Variants in ME1 observed in about 807,000 individuals in gnomAD.
ME1 encodes the protein NADP-dependent malic enzyme.
In ME1, 74 loss-of-function variants were observed where a neutral mutation model predicts 66.4. The ratio of observed to expected loss-of-function variants is 1.11; its 90% CI spans 0.92 to 1.35. The LOEUF is 1.35. Ranked by LOEUF, ME1 falls within the 40% of genes most tolerant of loss-of-function variation. The pLI, the probability that ME1 is intolerant of heterozygous loss-of-function variation, is 0.00. For synonymous variants in ME1, 251 were observed against 235.6 expected (o/e 1.07, Z -0.60); for missense variants, 750 against 694.1 (o/e 1.08, Z -0.90).
chr6:83,228,798 G>T, intron 10 of ME1, 28 bp downstream of exon 10: 1 of 1,413,664 alleles, frequency 7.1e-7, no homozygotes, highest in South Asian at 1.2e-5. Flanking sequence ...TAAGGGGTAG[G>T]GGAGAAGGGA....
chr6:83,430,905 A>T lies in ME1; in HGVS notation c.50T>A (p.Leu17Gln), dbSNP rs1248662777. 4 of 1,603,180 alleles carry T rather than the reference A, an allele frequency of 2.5e-6. No homozygotes were observed. Among genetic ancestry groups the T allele is most frequent in the African/African-American group, 1.4e-5 (1 of 73,422 alleles). Residue 17 changes from leucine (L) to glutamine (Q), a missense_variant, in exon 1 of 14, where the codon CTG becomes CAG. Physicochemically the swap from Leu to Gln is moderately radical, Grantham distance 113. Coordinates refer to ENST00000369705, the MANE Select transcript of ME1 (RefSeq NM_002395.6). The part of the protein sequence containing the change: ...RRRHTHQRGY[L>Q]LTRNPHLNKD... The stretch of plus-strand genomic sequence containing the variant: ...GTTGAGGTGAGGGTTCCGTGTCAGC[A>T]GGTAGCCGCGCTGATGGGTGTGGCG...
intron 6 of ME1, among the ~76,000 whole-genome samples, chr6:83,279,132 A>G (rs918739165): frequency 3.3e-5 from 5 of 152,196 alleles, no homozygotes; most frequent in Non-Finnish European, 5.9e-5. Flanking sequence ...TTAGACAAAA[A>G]CAATGACACT....
chr6:83,315,550 G>T (rs1768015713), intron 5 of ME1, 137 bp from the exon 6 acceptor site: 3 of 597,998 alleles, frequency 5.0e-6, no homozygotes, highest in African/African-American at 1.9e-5. Flanking sequence ...AACCTACAGG[G>T]TAATTACTTA....
chr6:83,416,349 C>T (rs1459240256), intron 1 of ME1, among the ~76,000 whole-genome samples: 2 of 152,194 alleles, frequency 1.3e-5, no homozygotes, highest in African/African-American at 4.8e-5. Flanking sequence ...TTATTCTTCA[C>T]ATTTCAGTAT....
At chr6:83,322,012 G>A (rs549923705) in intron 5 of ME1, among the ~76,000 whole-genome samples, 58 of 152,294 alleles carry the variant, frequency 3.8e-4, no homozygotes, top group African/African-American at 1.3e-3. Flanking sequence ...AGGTAAACAG[G>A]GACTGGAGTG....
intron 6 of ME1, among the ~76,000 whole-genome samples, chr6:83,301,280 C>T (rs901770193): frequency 7.3e-5 from 11 of 151,666 alleles, no homozygotes; most frequent in East Asian, 3.9e-4. Flanking sequence ...TCCTTCCCTC[C>T]GTCCCTCCCT....
chr6:83,414,125 A>AG (rs112775454), intron 1 of ME1, among the ~76,000 whole-genome samples: 2 of 146,864 alleles, frequency 1.4e-5, no homozygotes, highest in African/African-American at 5.1e-5. Context: ...AAAAAAAAAA[A>AG]AAAAAACTAA....
chr6:83,243,389 T>C (rs1790543794), intron 7 of ME1, among the ~76,000 whole-genome samples: 1 of 61,242 alleles, frequency 1.6e-5, no homozygotes. Context: ...TATATTTATA[T>C]ATTTATATAA....
intron 5 of ME1, among the ~76,000 whole-genome samples, chr6:83,327,405 A>G (rs1025435284): frequency 1.3e-5 from 2 of 152,216 alleles, no homozygotes; most frequent in East Asian, 1.9e-4. Context: ...TTTTCTCAGC[A>G]TGGAATATCC....
intron 6 of ME1, among the ~76,000 whole-genome samples, chr6:83,266,423 G>C (rs950874231): frequency 5.9e-5 from 9 of 152,250 alleles, no homozygotes; most frequent in African/African-American, 2.2e-4. Context: ...GTCAAAGTCT[G>C]AATACTAACC....
At chr6:83,301,619 A>C (rs1182137828) in intron 6 of ME1, among the ~76,000 whole-genome samples, 2 of 152,180 alleles carry the variant, frequency 1.3e-5, no homozygotes, top group Non-Finnish European at 2.9e-5. Flanking sequence ...CTGGGATTAC[A>C]GGCACGAGCC....
intron 6 of ME1, among the ~76,000 whole-genome samples, chr6:83,261,418 T>TG (rs1766885669): frequency 2.2e-5 from 2 of 89,772 alleles, no homozygotes; most frequent in Non-Finnish European, 4.1e-5. Context: ...ACTCTGTTGG[T>TG]AATTTTTTTT....
chr6:83,420,981 G>A (rs1206791819), intron 1 of ME1, among the ~76,000 whole-genome samples: 4 of 152,082 alleles, frequency 2.6e-5, no homozygotes, highest in Non-Finnish European at 5.9e-5. Flanking sequence ...AGGCACAAAA[G>A]AAGGGGAAAG....
intron 6 of ME1, among the ~76,000 whole-genome samples, chr6:83,294,549 G>A (rs754510042): frequency 6.6e-6 from 1 of 152,024 alleles, no homozygotes; most frequent in Non-Finnish European, 1.5e-5. Flanking sequence ...CAACCCCCTG[G>A]CTGAACACTA....
intron 12 of ME1, among the ~76,000 whole-genome samples, chr6:83,221,569 G>A (rs1307192471): frequency 6.6e-6 from 1 of 152,136 alleles, no homozygotes; most frequent in Non-Finnish European, 1.5e-5. Flanking sequence ...CTGACAGTGA[G>A]GAAAGATAAG....
intron 6 of ME1, among the ~76,000 whole-genome samples, chr6:83,256,497 T>C (rs1203003488): frequency 6.6e-6 from 1 of 152,080 alleles, no homozygotes; most frequent in Admixed American, 6.6e-5. Context: ...TGAGATACCG[T>C]CTCACACCAG....
intron 6 of ME1, among the ~76,000 whole-genome samples, chr6:83,290,098 T>C (rs1013302099): frequency 6.6e-6 from 1 of 152,240 alleles, no homozygotes; most frequent in Non-Finnish European, 1.5e-5. Context: ...TCATTAATTT[T>C]TGAAGGTTTT....
intron 5 of ME1, among the ~76,000 whole-genome samples, chr6:83,325,851 A>G (rs1157376614): frequency 6.6e-6 from 1 of 151,822 alleles, no homozygotes; most frequent in Non-Finnish European, 1.5e-5. Context: ...CCTTCACAGA[A>G]TTAGAAAAAA....
At chr6:83,244,260 C>A (rs1348198265) in intron 7 of ME1, among the ~76,000 whole-genome samples, 1 of 152,020 alleles carries the variant, frequency 6.6e-6, no homozygotes, top group Non-Finnish European at 1.5e-5. Context: ...AACCAAGTCA[C>A]CTTACAGTAA....
Sources: allele counts gnomAD v4.1 joint callset (sites outside exome capture counted in the v4.1 genomes callset), GRCh38; gene constraint gnomAD v4.1.1; transcripts MANE v1.5; gene names NCBI Gene and HGNC (gene_info 2026-07-23, HGNC 2026-07-21).